The following KDM4C variants were observed in gnomAD, a reference collection of about 807,000 sequenced individuals.
The protein encoded by KDM4C is lysine demethylase 4C.
In KDM4C, 81 loss-of-function variants were observed where a neutral mutation model predicts 129.3. The ratio of observed to expected loss-of-function variants is 0.63; its 90% confidence interval spans 0.52 to 0.75. The LOEUF (loss-of-function observed/expected upper bound fraction) is 0.75. Ranked by LOEUF, KDM4C falls within the 30% of genes least tolerant of loss-of-function variation. The pLI is 0.00. For missense variants in KDM4C, 1,457 were observed against 1,304.0 expected, an observed-to-expected ratio of 1.12 and a Z score of -1.81; for synonymous variants, 573 against 456.1, an observed-to-expected ratio of 1.26 and a Z score of -3.26.
chr9:6,795,575 G>T (rs995695506), intron 2 of KDM4C, among the ~76,000 whole-genome samples: 2 of 152,074 alleles, frequency 1.3e-5, no homozygotes, highest in Non-Finnish European at 2.9e-5. Flanking sequence ...CAAATGACCT[G>T]CCTTCCTTGG....
chr9:6,922,580 C>G (rs1248165686), intron 8 of KDM4C, among the ~76,000 whole-genome samples: 1 of 152,336 alleles, frequency 6.6e-6, no homozygotes, highest in East Asian at 1.9e-4. Context: ...GAGCCCATCT[C>G]TACCAAAAAT....
chr9:6,806,276 C>G (rs1256755353), intron 3 of KDM4C, among the ~76,000 whole-genome samples: 1 of 152,086 alleles, frequency 6.6e-6, no homozygotes, highest in African/African-American at 2.4e-5. Context: ...GGGCGGATCA[C>G]CTGAGGTCGG....
chr9:7,057,976 A>G (rs1199606287), intron 17 of KDM4C, among the ~76,000 whole-genome samples: 3 of 152,222 alleles, frequency 2.0e-5, no homozygotes, highest in Non-Finnish European at 4.4e-5. Context: ...CTTGCATGGT[A>G]CAGCTGGGAG....
At chr9:6,905,024 T>C (rs1010900315) in intron 8 of KDM4C, among the ~76,000 whole-genome samples, 1 of 152,230 alleles carries the variant, frequency 6.6e-6, no homozygotes, top group Non-Finnish European at 1.5e-5. Context: ...AAGGATACTA[T>C]AGATTTAAAA....
intron 4 of KDM4C, among the ~76,000 whole-genome samples, chr9:6,822,840 G>T (rs1307908200): frequency 6.6e-6 from 1 of 152,204 alleles, no homozygotes; most frequent in African/African-American, 2.4e-5. Flanking sequence ...TGCTGAGATG[G>T]CCAGTAGCCA....
chr9:6,855,577 A>G (rs2130293121), intron 5 of KDM4C, among the ~76,000 whole-genome samples: 1 of 151,172 alleles, frequency 6.6e-6, no homozygotes, highest in East Asian at 1.9e-4. Flanking sequence ...AGATGCTCCC[A>G]TTGGATGTCT....
intron 8 of KDM4C, among the ~76,000 whole-genome samples, chr9:6,945,730 T>A (rs533395591): frequency 6.6e-6 from 1 of 152,290 alleles, no homozygotes; most frequent in Admixed American, 6.5e-5. Flanking sequence ...TGAGCTTGGC[T>A]TTTAATCTAA....
chr9:7,171,030 T>C (rs998423715), intron 21 of KDM4C: 2 of 152,418 alleles, frequency 1.3e-5, no homozygotes, highest in African/African-American at 4.8e-5. Context: ...CGGCGGGCCA[T>C]GGGTTGGACA....
At chr9:6,947,688 C>G (rs1047132401) in intron 8 of KDM4C, among the ~76,000 whole-genome samples, 1 of 152,016 alleles carries the variant, frequency 6.6e-6, no homozygotes, top group South Asian at 2.1e-4. Flanking sequence ...TTTCAAATAA[C>G]CTGAATCCAG....
At chr9:7,019,767 A>AATATTTTTATATAAAAATATT (rs1824423718) in intron 15 of KDM4C, among the ~76,000 whole-genome samples, 1 of 122,850 alleles carries the variant, frequency 8.1e-6, no homozygotes, top group African/African-American at 3.3e-5. Flanking sequence ...ATAAAAATAT[A>AATATTTTTATATAAAAATATT]ATATTTTTAT....
chr9:7,139,113 A>C (rs1304436232), intron 19 of KDM4C, among the ~76,000 whole-genome samples: 1 of 152,048 alleles, frequency 6.6e-6, no homozygotes, highest in African/African-American at 2.4e-5. Context: ...CTCTACAAAA[A>C]AATTTCAAAA....
At chr9:6,828,702 C>G (rs1289341600) in intron 4 of KDM4C, among the ~76,000 whole-genome samples, 1 of 151,992 alleles carries the variant, frequency 6.6e-6, no homozygotes, top group East Asian at 1.9e-4. Context: ...GAAACCTCGT[C>G]TCTACTAAAA....
rs769177419 is a variant in KDM4C at position 6,805,658 on chromosome 9, C to T, written c.204C>T (p.Leu68=). 8 of 1,613,850 alleles carry T rather than the reference C, an allele frequency of 5.0e-6. No homozygotes were observed. Among genetic ancestry groups the T allele is most frequent in the African/African-American group, 4.0e-5 (3 of 74,892 alleles). ...GCTATGATGACATTGATAATTTGCT[C>T]ATTCCAGCACCAATTCAGCAGATGG... ...RQCYDDIDNL[L]IPAPIQQMVT... Residue 68 remains leucine, a synonymous_variant, in exon 3 of 22, where the codon CTC becomes CTT. Transcript: ENST00000381309.
intron 11 of KDM4C, 70 bp from the exon 12 acceptor site, chr9:6,990,346 G>C (rs1369829938): frequency 8.1e-6 from 8 of 992,712 alleles, no homozygotes; most frequent in Non-Finnish European, 1.3e-5. Context: ...ATTGTGAACT[G>C]TAGGGTTTTT....
At chr9:6,789,396 T>A (rs1367552965) in intron 1 of KDM4C, among the ~76,000 whole-genome samples, 1 of 152,064 alleles carries the variant, frequency 6.6e-6, no homozygotes, top group African/African-American at 2.4e-5. Context: ...AATTTTTGTA[T>A]TTTTAGTAGA....
intron 12 of KDM4C, among the ~76,000 whole-genome samples, chr9:6,992,731 C>T (rs868012576): frequency 3.3e-5 from 5 of 152,322 alleles, no homozygotes; most frequent in Middle Eastern, 6.8e-3. Flanking sequence ...AATTCCAAAT[C>T]CAACTCCTTT....
intron 20 of KDM4C, among the ~76,000 whole-genome samples, chr9:7,166,795 A>C (rs558130096): frequency 2.0e-5 from 3 of 152,228 alleles, no homozygotes; most frequent in Non-Finnish European, 4.4e-5. Flanking sequence ...CAGTGTGTTA[A>C]CTTCAGTTGA....
intron 1 of KDM4C, among the ~76,000 whole-genome samples, chr9:6,746,774 G>C (rs1447006777): frequency 6.7e-5 from 10 of 148,738 alleles, no homozygotes; most frequent in East Asian, 2.0e-4. Context: ...TTTGGGAGGC[G>C]GAGGTGGGTG....
Position 6,758,422 on chromosome 9 carries a change from C to A in KDM4C, c.-18+219C>A, listed in dbSNP as rs935651993. On this transcript the variant is annotated intron_variant, in intron 1 of 21. Coordinates refer to ENST00000381309, the MANE Select transcript of KDM4C (RefSeq NM_015061.6). The surrounding 1 kb of genome is among the most constrained non-coding windows in gnomAD (Gnocchi z 4.6). Reference sequence around the variant, plus strand: ...GGAGGGATGCGGGGGCCGGTGACAGCCCGCTCCGGCCCTTACCGAGGTTCG... The same window carrying A: ...GGAGGGATGCGGGGGCCGGTGACAGACCGCTCCGGCCCTTACCGAGGTTCG... Among the ~76,000 whole-genome samples the A allele has an allele frequency of 4.6e-5, 7 of 152,214 alleles. No homozygotes were observed. The highest frequency in any genetic ancestry group is 1.7e-4 in the African/African-American group (7 of 41,466).
Sources: allele counts gnomAD v4.1 joint callset (sites outside exome capture counted in the v4.1 genomes callset), GRCh38; gene constraint gnomAD v4.1.1; non-coding constraint Gnocchi (gnomAD v3.1); transcripts MANE v1.5; gene names NCBI Gene and HGNC (gene_info 2026-07-23, HGNC 2026-07-21).